Variants in CNTNAP2 observed in about 807,000 individuals in gnomAD.
The protein encoded by CNTNAP2 is contactin-associated protein-like 2.
CNTNAP2 carries 98 observed loss-of-function variants against 155.2 expected under a neutral mutation model. The ratio of observed to expected loss-of-function variants is 0.63; its 90% CI spans 0.54 to 0.75. The LOEUF (loss-of-function observed/expected upper bound fraction) is 0.75. CNTNAP2 is among the 30% of genes least tolerant of loss of function. The pLI is 0.00. For synonymous variants in CNTNAP2, 651 were observed against 631.2 expected (o/e 1.03, Z -0.47); for missense variants, 1,727 against 1,688.1 (o/e 1.02, Z -0.40).
At chr7:147,499,465 C>T (rs903398631) in intron 11 of CNTNAP2, among the ~76,000 whole-genome samples, 6 of 152,036 alleles carry the variant, frequency 3.9e-5, no homozygotes, top group Non-Finnish European at 8.8e-5. Context: ...GGAGGCAGAG[C>T]TTGCAGTGAG....
intron 3 of CNTNAP2, among the ~76,000 whole-genome samples, chr7:146,889,272 C>A (rs1795732321): frequency 1.3e-5 from 2 of 151,976 alleles, no homozygotes; most frequent in Admixed American, 1.3e-4. Context: ...GATATTTCTT[C>A]CTAGGGTCAT....
At chr7:146,683,861 G>T (rs922334023) in intron 1 of CNTNAP2, among the ~76,000 whole-genome samples, 1 of 152,190 alleles carries the variant, frequency 6.6e-6, no homozygotes, top group Non-Finnish European at 1.5e-5. Context: ...TACAAATATT[G>T]CCCTGTGGGT....
chr7:148,124,082 G>T (rs79080238), intron 16 of CNTNAP2, among the ~76,000 whole-genome samples: 11,818 of 152,184 alleles, frequency 0.078, 843 homozygotes, highest in East Asian at 0.33. Flanking sequence ...AGAGAAGGGG[G>T]ATTGGTAATA....
At chr7:146,151,651 TATATATATATATATA>T (rs1798043530) in intron 1 of CNTNAP2, among the ~76,000 whole-genome samples, 2 of 20,938 alleles carry the variant, frequency 9.6e-5, no homozygotes, top group Non-Finnish European at 1.9e-4. Flanking sequence ...TATATATATA[TATATATATATATATA>T]TATATATATA....
chr7:146,479,510 G>T (rs1023677782), intron 1 of CNTNAP2, among the ~76,000 whole-genome samples: 2 of 151,866 alleles, frequency 1.3e-5, no homozygotes, highest in African/African-American at 4.8e-5. Context: ...TAAAAATGAT[G>T]TATTTACATA....
At chr7:147,968,220 A>G (rs1406623430) in intron 14 of CNTNAP2, among the ~76,000 whole-genome samples, 6 of 152,260 alleles carry the variant, frequency 3.9e-5, no homozygotes, top group Admixed American at 2.6e-4. Context: ...CGTTTTGCAA[A>G]GAATCCCGAA....
intron 8 of CNTNAP2, among the ~76,000 whole-genome samples, chr7:147,141,185 C>A (rs550404686): frequency 3.3e-5 from 5 of 152,174 alleles, no homozygotes; most frequent in African/African-American, 7.2e-5. Context: ...TGAGAAAAAT[C>A]AAATTTTGCC....
intron 1 of CNTNAP2, among the ~76,000 whole-genome samples, chr7:146,728,098 C>T (rs955848381): frequency 2.6e-5 from 4 of 152,242 alleles, no homozygotes; most frequent in East Asian, 1.9e-4. Context: ...GGCACCCAAC[C>T]GAACCTGCAG....
At chr7:146,538,014 C>A (rs753187479) in intron 1 of CNTNAP2, among the ~76,000 whole-genome samples, 81 of 151,912 alleles carry the variant, frequency 5.3e-4, no homozygotes, top group Non-Finnish European at 2.9e-4. Flanking sequence ...TATTCTAGTA[C>A]TATATTGAAA....
chr7:147,181,864 C>T (rs540441320), intron 8 of CNTNAP2, among the ~76,000 whole-genome samples: 4 of 152,174 alleles, frequency 2.6e-5, no homozygotes, highest in South Asian at 4.1e-4. Flanking sequence ...CAGTGGCTCA[C>T]GCCTGTAGTT....
At chr7:146,883,057 G>A (rs1795585769) in intron 3 of CNTNAP2, among the ~76,000 whole-genome samples, 1 of 152,096 alleles carries the variant, frequency 6.6e-6, no homozygotes, top group Non-Finnish European at 1.5e-5. Context: ...TGCAGAATAG[G>A]TTATGTACTT....
rs117052351 is a variant in CNTNAP2 at position 147,642,663 on chromosome 7, C to T, written c.2098+3357C>T. On this transcript the variant is annotated intron_variant, in intron 13 of 23. Transcript: ENST00000361727. ...CTTTAACCTCTAGATACCCCTTTCACGAGAAAAACTGCTAAATTGAAATCA... is the reference window on the plus strand; with the variant it reads ...CTTTAACCTCTAGATACCCCTTTCATGAGAAAAACTGCTAAATTGAAATCA... Among the ~76,000 whole-genome samples, 1,360 of 152,232 alleles carry T rather than the reference C, an allele frequency of 8.9e-3. 7 individuals are homozygous for T. The highest frequency in any genetic ancestry group is 0.018 in the South Asian group (87 of 4,820).
chr7:146,132,475 T>C (rs1261547495), intron 1 of CNTNAP2, among the ~76,000 whole-genome samples: 1 of 151,980 alleles, frequency 6.6e-6, no homozygotes, highest in Non-Finnish European at 1.5e-5. Flanking sequence ...GCAGGTTAGT[T>C]ACATATGTAT....
chr7:147,693,582 C>T lies in CNTNAP2; in HGVS notation c.2098+54276C>T, dbSNP rs371753430. ...AGTTTATTTCTAGGTATATCATTTT[C>T]GGGGGGCGCTGATATAAATAGTATT... On this transcript the variant is annotated intron_variant, in intron 13 of 23. Coordinates refer to ENST00000361727, the MANE Select transcript of CNTNAP2 (RefSeq NM_014141.6). 4.6e-5 allele frequency among the ~76,000 whole-genome samples: 7 copies of T among 151,796 alleles called. 1 individual carries two copies. Among genetic ancestry groups the T allele is most frequent in the East Asian group, 1.9e-4 (1 of 5,168 alleles).
At chr7:146,684,322 CT>C (rs1800556450) in intron 1 of CNTNAP2, among the ~76,000 whole-genome samples, 1 of 152,028 alleles carries the variant, frequency 6.6e-6, no homozygotes, top group Admixed American at 6.6e-5. Context: ...TTTCGATGAG[CT>C]AAGTGAGAAT....
intron 1 of CNTNAP2, among the ~76,000 whole-genome samples, chr7:146,585,908 A>AGTAG (rs574688153): frequency 3.5e-4 from 53 of 151,940 alleles, no homozygotes; most frequent in Non-Finnish European, 6.9e-4. Flanking sequence ...AGGAGGCTGA[A>AGTAG]GTAGGAGGAT....
At chr7:146,191,211 C>T (rs1297441806) in intron 1 of CNTNAP2, among the ~76,000 whole-genome samples, 7 of 151,906 alleles carry the variant, frequency 4.6e-5, no homozygotes, top group Non-Finnish European at 1.0e-4. Context: ...ACAAAACAGA[C>T]AAATTTTAAA....
intron 1 of CNTNAP2, among the ~76,000 whole-genome samples, chr7:146,540,543 C>A (rs1334378727): frequency 6.6e-6 from 1 of 152,036 alleles, no homozygotes; most frequent in East Asian, 1.9e-4. Context: ...GAAGTTACTA[C>A]CTCTAATTTC....
At chr7:147,617,882 G>A (rs1317973799) in intron 12 of CNTNAP2, among the ~76,000 whole-genome samples, 3 of 152,142 alleles carry the variant, frequency 2.0e-5, no homozygotes, top group East Asian at 3.9e-4. Context: ...TAAGTGGTAG[G>A]GTTGCTTCCT....
Sources: allele counts gnomAD v4.1 joint callset (sites outside exome capture counted in the v4.1 genomes callset), GRCh38; gene constraint gnomAD v4.1.1; transcripts MANE v1.5; gene names NCBI Gene and HGNC (gene_info 2026-07-23, HGNC 2026-07-21).